The following NMNAT2 variants were observed in gnomAD, a reference collection of about 807,000 sequenced individuals.
The protein encoded by NMNAT2 is nicotinamide/nicotinic acid mononucleotide adenylyltransferase 2.
NMNAT2 carries 11 observed loss-of-function variants against 41.6 expected under a neutral mutation model. That is an observed-to-expected ratio of 0.26 (90% CI 0.17 to 0.44). The LOEUF (loss-of-function observed/expected upper bound fraction) is 0.44. NMNAT2 is among the 20% of genes least tolerant of loss of function. The pLI, the probability that NMNAT2 is intolerant of heterozygous loss-of-function variation, is 1.00. For synonymous variants in NMNAT2, 148 were observed against 151.2 expected (o/e 0.98, Z 0.16); for missense variants, 288 against 407.7 (o/e 0.71, Z 2.53).
In NMNAT2 at chr1:183,418,334, G is replaced by A; in HGVS notation, c.-67C>T. The A allele has an allele frequency of 2.0e-6, 3 of 1,486,658 alleles. No homozygotes were observed. Among genetic ancestry groups the A allele is most frequent in the Middle Eastern group, 1.7e-4 (1 of 5,836 alleles). The allele number at this position is 1,486,658 out of a possible 1,614,324, so 92.1% of individuals were successfully genotyped here. On this transcript the variant is annotated 5_prime_UTR_variant, in exon 1 of 11. Coordinates refer to ENST00000287713, the MANE Select transcript of NMNAT2 (RefSeq NM_015039.4). ...CTTTTTGTGTCTCGTTGTGTCTGCA[G>A]AGGGAGAAAGGAAGGCGAGGCTCCG...
chr1:183,376,806 A>T (rs1233493436), intron 1 of NMNAT2, among the ~76,000 whole-genome samples: 3 of 152,096 alleles, frequency 2.0e-5, no homozygotes, highest in African/African-American at 7.2e-5. Context: ...GGCTCCAGCA[A>T]CCCCTTCATG....
chr1:183,369,258 C>A (rs1036711237), intron 1 of NMNAT2, among the ~76,000 whole-genome samples: 15 of 87,682 alleles, frequency 1.7e-4, no homozygotes, highest in Non-Finnish European at 3.3e-4. Context: ...TTTTTCTTTT[C>A]TTTTCTTTTT....
At chr1:183,348,578 C>A (rs1008713077) in intron 1 of NMNAT2, among the ~76,000 whole-genome samples, 5 of 152,178 alleles carry the variant, frequency 3.3e-5, no homozygotes, top group African/African-American at 1.2e-4. Context: ...AACATTTTTG[C>A]ATAATACATC....
intron 1 of NMNAT2, among the ~76,000 whole-genome samples, chr1:183,405,721 C>T (rs1348428643): frequency 6.6e-6 from 1 of 152,230 alleles, no homozygotes; most frequent in Admixed American, 6.5e-5. Flanking sequence ...GACGAAGTCT[C>T]ACTTCAAGAG....
At chr1:183,288,979 A>T (rs1411424999) in intron 4 of NMNAT2, among the ~76,000 whole-genome samples, 2 of 152,196 alleles carry the variant, frequency 1.3e-5, no homozygotes, top group Non-Finnish European at 2.9e-5. Flanking sequence ...GGGGAAGAAA[A>T]CAACAGATGG....
At chr1:183,312,686 A>T (rs538476008) in intron 1 of NMNAT2, among the ~76,000 whole-genome samples, 98 of 152,276 alleles carry the variant, frequency 6.4e-4, no homozygotes, top group Middle Eastern at 3.4e-3. Flanking sequence ...AGGATTTTCC[A>T]AGTATCCCTC....
chr1:183,395,350 G>C (rs999639865), intron 1 of NMNAT2, among the ~76,000 whole-genome samples: 5 of 151,764 alleles, frequency 3.3e-5, no homozygotes, highest in Non-Finnish European at 7.4e-5. Context: ...TAGAGTGGTA[G>C]AAAATGTGAT....
At chr1:183,274,478 AT>A (rs1275950620) in intron 8 of NMNAT2, among the ~76,000 whole-genome samples, 19 of 150,616 alleles carry the variant, frequency 1.3e-4, no homozygotes, top group African/African-American at 4.4e-4. Context: ...TGCCCGGCTA[AT>A]TTTTTGTATT....
chr1:183,306,426 G>A (rs1476260891), intron 1 of NMNAT2, among the ~76,000 whole-genome samples: 5 of 152,168 alleles, frequency 3.3e-5, no homozygotes, highest in East Asian at 1.9e-4. Context: ...AAGCTAATAC[G>A]TTTCCAGTAA....
In NMNAT2 at chr1:183,301,027, T is replaced by G. The variant is rs371670498; in HGVS notation, c.86-7234A>C. Among the ~76,000 whole-genome samples, 8 of 152,378 alleles carry G rather than the reference T, an allele frequency of 5.3e-5. No individual in the cohort carries two copies. The East Asian group carries it at 1.5e-3, about 29-fold the overall frequency. ...GATAAGTGGGGCAGGATTGTTTAAG[T>G]GCTGAGTCAGATCTCGCCTTTATTT... On this transcript the variant is annotated intron_variant, in intron 1 of 10. Transcript: ENST00000287713.
intron 1 of NMNAT2, among the ~76,000 whole-genome samples, chr1:183,397,815 T>C (rs561770213): frequency 2.2e-4 from 34 of 152,262 alleles, no homozygotes; most frequent in African/African-American, 7.9e-4. Flanking sequence ...AAACTAAGCT[T>C]CATAAGTGAA....
intron 1 of NMNAT2, among the ~76,000 whole-genome samples, chr1:183,314,410 C>T (rs1448625698): frequency 6.6e-6 from 1 of 152,242 alleles, no homozygotes; most frequent in Non-Finnish European, 1.5e-5. Flanking sequence ...CAAGTCCATA[C>T]ATGCCACTGT....
At chr1:183,341,504 C>G (rs1013715357) in intron 1 of NMNAT2, among the ~76,000 whole-genome samples, 2 of 132,568 alleles carry the variant, frequency 1.5e-5, no homozygotes, top group Admixed American at 1.6e-4. Flanking sequence ...ATAGCAAAAC[C>G]CTGTCTCTAC....
chr1:183,389,799 A>G lies in NMNAT2; in HGVS notation c.85+28384T>C, dbSNP rs1195181601. On this transcript the variant is annotated intron_variant, in intron 1 of 10. Coordinates refer to ENST00000287713, the MANE Select transcript of NMNAT2 (RefSeq NM_015039.4). ...AAGAAAGAAAGAAAGAAAGAAAGAA[A>G]GAAAGAAAGAAAGAAAGAAAGAAAG... Among the ~76,000 whole-genome samples the G allele has an allele frequency of 3.5e-4, 28 of 79,628 alleles. 3 individuals carry two copies. The highest frequency in any genetic ancestry group is 6.4e-4 in the Non-Finnish European group (23 of 36,002). The allele number at this position is 79,628 out of a possible 152,430, so 52.2% of individuals were successfully genotyped here.
At chr1:183,382,935 C>T (rs1194150361) in intron 1 of NMNAT2, among the ~76,000 whole-genome samples, 1 of 152,024 alleles carries the variant, frequency 6.6e-6, no homozygotes, top group Non-Finnish European at 1.5e-5. Flanking sequence ...GCCCAAGTAG[C>T]GACTCTGTGT....
intron 4 of NMNAT2, among the ~76,000 whole-genome samples, chr1:183,289,277 T>C (rs1357114103): frequency 6.6e-6 from 1 of 152,166 alleles, no homozygotes; most frequent in Non-Finnish European, 1.5e-5. Flanking sequence ...CTGTTTGCTG[T>C]CTTGGTTGGT....
chr1:183,299,199 C>A (rs1003232097), intron 1 of NMNAT2, among the ~76,000 whole-genome samples: 6 of 151,962 alleles, frequency 3.9e-5, no homozygotes, highest in African/African-American at 1.5e-4. Context: ...TGGTGAAACC[C>A]CGTCTATACT....
chr1:183,271,732 G>A (rs563861401), intron 8 of NMNAT2, among the ~76,000 whole-genome samples: 2 of 152,182 alleles, frequency 1.3e-5, no homozygotes, highest in South Asian at 4.2e-4. Context: ...TTGAAGAAAG[G>A]AATGCTTGAA....
intron 1 of NMNAT2, among the ~76,000 whole-genome samples, chr1:183,402,636 T>A (rs1363357571): frequency 6.6e-6 from 1 of 152,232 alleles, no homozygotes; most frequent in Non-Finnish European, 1.5e-5. Flanking sequence ...CATATTAGTT[T>A]ATAGTGATTA....
Sources: gnomAD v4.1 joint callset for allele counts (sites outside exome capture counted in the v4.1 genomes callset) on GRCh38, gnomAD v4.1.1 for gene constraint, MANE v1.5 for transcripts, NCBI Gene and HGNC (gene_info 2026-07-23, HGNC 2026-07-21) for gene names.